The following SYT9 variants were observed in gnomAD, a reference collection of about 807,000 sequenced individuals.
The protein encoded by SYT9 is synaptotagmin-9.
Under a neutral mutation model 48.4 loss-of-function variants are expected in SYT9, and 22 were observed. The observed-to-expected ratio is 0.45, with a 90% CI of 0.32 to 0.65. The LOEUF (loss-of-function observed/expected upper bound fraction) is 0.65, where lower values mean the gene tolerates loss of function less well. SYT9 is among the 30% of genes least tolerant of loss of function. The pLI, the probability that SYT9 is intolerant of heterozygous loss-of-function variation, is 0.03. For missense variants in SYT9, 577 were observed against 622.0 expected (o/e 0.93, Z 0.77); for synonymous variants, 265 against 245.0 (o/e 1.08, Z -0.76).
intron 3 of SYT9, among the ~76,000 whole-genome samples, chr11:7,407,135 C>T (rs1259729100): frequency 1.3e-5 from 2 of 152,092 alleles, no homozygotes; most frequent in Non-Finnish European, 2.9e-5. Context: ...CAAGTATTTT[C>T]TCATTCAACA....
intron 1 of SYT9, among the ~76,000 whole-genome samples, chr11:7,287,806 C>T (rs1038422639): frequency 6.6e-6 from 1 of 152,170 alleles, no homozygotes; most frequent in Admixed American, 6.5e-5. Context: ...GATAATGGCT[C>T]TCTTCTAGCT....
At chr11:7,395,019 T>A (rs12418873) in intron 3 of SYT9, among the ~76,000 whole-genome samples, 43,829 of 151,794 alleles carry the variant, frequency 0.29, 7,306 homozygotes, top group East Asian at 0.59. Flanking sequence ...ATTTTTTTTT[T>A]AATTTTTATT....
intron 6 of SYT9, chr11:7,465,808 T>G (rs1469335193): frequency 5.4e-6 from 1 of 186,534 alleles, no homozygotes; most frequent in Non-Finnish European, 1.1e-5. Flanking sequence ...AAGGCACTTC[T>G]TACATGGCAG....
At chr11:7,319,942 G>T (rs2133962762) in intron 3 of SYT9, among the ~76,000 whole-genome samples, 1 of 152,262 alleles carries the variant, frequency 6.6e-6, no homozygotes, top group Admixed American at 6.5e-5. Context: ...ACATTAAGAA[G>T]AATTTTTTAA....
In SYT9 at chr11:7,288,731, C is replaced by G. The variant is rs956970921; in HGVS notation, c.146-14308C>G. ...TGTCTCCTGATGCTGCTCCTGTTTT[C>G]TTTGCCTTGTTGTCTGCTAACCTCT... On this transcript the variant is annotated intron_variant, in intron 1 of 6. Coordinates refer to ENST00000318881, the MANE Select transcript of SYT9 (RefSeq NM_175733.4). Among the ~76,000 whole-genome samples, 3 of 152,020 alleles carry G rather than the reference C, an allele frequency of 2.0e-5. No individual in the cohort carries two copies. In the South Asian group the frequency reaches 6.2e-4, roughly 31 times the overall value.
upstream of SYT9, among the ~76,000 whole-genome samples, chr11:7,250,676 C>G (rs1847852551): frequency 4.6e-5 from 7 of 152,136 alleles, no homozygotes; most frequent in Admixed American, 4.6e-4. Flanking sequence ...TGTAAGTTCC[C>G]TGAAACCCTA....
At chr11:7,387,131 C>T (rs1002071152) in intron 3 of SYT9, among the ~76,000 whole-genome samples, 8 of 152,054 alleles carry the variant, frequency 5.3e-5, no homozygotes, top group African/African-American at 1.9e-4. Context: ...GGGAACATCA[C>T]ACACCAGGGC....
chr11:7,468,354 TG>T lies in SYT9; in HGVS notation c.*1555del. 2 of 398,618 alleles carry T rather than the reference TG, an allele frequency of 5.0e-6. No individual in the cohort carries two copies. Among genetic ancestry groups the T allele is most frequent in the Non-Finnish European group, 8.8e-6 (2 of 226,046 alleles). The allele number at this position is 398,618 out of a possible 1,614,324, so 24.7% of individuals were successfully genotyped here. On this transcript the variant is annotated 3_prime_UTR_variant, in exon 7 of 7. Coordinates refer to ENST00000318881, the MANE Select transcript of SYT9 (RefSeq NM_175733.4). Reference sequence around the variant, plus strand: ...CAGATCTAAGAAGGCTATAGGCCTTTGTTTGTAGGAAGCAGTGTCATTACAT... The same window carrying T: ...CAGATCTAAGAAGGCTATAGGCCTTTTTTGTAGGAAGCAGTGTCATTACAT...
At chr11:7,374,537 CA>C (rs1166832151) in intron 3 of SYT9, among the ~76,000 whole-genome samples, 1 of 152,232 alleles carries the variant, frequency 6.6e-6, no homozygotes, top group African/African-American at 2.4e-5. Flanking sequence ...TTCCCACCAA[CA>C]GAGTAAAAGC....
At chr11:7,403,367 T>C (rs1355295410) in intron 3 of SYT9, among the ~76,000 whole-genome samples, 3 of 152,102 alleles carry the variant, frequency 2.0e-5, no homozygotes, top group African/African-American at 7.2e-5. Flanking sequence ...CTGGCCAATA[T>C]AGCAAGACTC....
chr11:7,419,853 GC>G (rs1205781392), intron 5 of SYT9, among the ~76,000 whole-genome samples: 1 of 152,140 alleles, frequency 6.6e-6, no homozygotes, highest in Non-Finnish European at 1.5e-5. Context: ...CCGAGATCAT[GC>G]CACTGCACTC....
At chr11:7,307,479 T>G (rs1849053163) in intron 2 of SYT9, among the ~76,000 whole-genome samples, 1 of 152,222 alleles carries the variant, frequency 6.6e-6, no homozygotes, top group African/African-American at 2.4e-5. Flanking sequence ...GATTAAATTA[T>G]CAGAAACTAT....
chr11:7,346,587 G>C (rs1200060753), intron 3 of SYT9, among the ~76,000 whole-genome samples: 1 of 152,184 alleles, frequency 6.6e-6, no homozygotes, highest in African/African-American at 2.4e-5. Flanking sequence ...AAGAGCCTCT[G>C]CCTTCAGGGA....
chr11:7,247,780 A>G (rs1225926617), upstream of SYT9, among the ~76,000 whole-genome samples: 3 of 151,624 alleles, frequency 2.0e-5, no homozygotes, highest in Non-Finnish European at 4.4e-5. Flanking sequence ...TTGTGCTGCT[A>G]TATACATACA....
At chr11:7,315,399 A>G (rs752328659) in intron 3 of SYT9, among the ~76,000 whole-genome samples, 2 of 152,160 alleles carry the variant, frequency 1.3e-5, no homozygotes, top group African/African-American at 4.8e-5. Context: ...ATCACCCCCC[A>G]CTGGGGTATT....
At chr11:7,424,037 G>T (rs553487557) in intron 6 of SYT9, among the ~76,000 whole-genome samples, 2 of 152,314 alleles carry the variant, frequency 1.3e-5, no homozygotes, top group African/African-American at 4.8e-5. Flanking sequence ...CTGGGATTTA[G>T]CATGGAGGGA....
chr11:7,276,422 G>C (rs1398577670), intron 1 of SYT9, among the ~76,000 whole-genome samples: 2 of 152,118 alleles, frequency 1.3e-5, no homozygotes, highest in African/African-American at 4.8e-5. Flanking sequence ...TGACCCTGCT[G>C]TTTTCCTATG....
chr11:7,454,899 C>T (rs941678586), intron 6 of SYT9, among the ~76,000 whole-genome samples: 4 of 152,204 alleles, frequency 2.6e-5, no homozygotes, highest in Admixed American at 6.5e-5. Context: ...CTAAGTCACA[C>T]AAAGGCCCAA....
At chr11:7,367,186 A>G (rs1189503408) in intron 3 of SYT9, among the ~76,000 whole-genome samples, 1 of 132,344 alleles carries the variant, frequency 7.6e-6, no homozygotes, top group Non-Finnish European at 1.5e-5. Flanking sequence ...GGTTCACGCC[A>G]TTCTCCTGCC....
Sources: allele counts gnomAD v4.1 joint callset (sites outside exome capture counted in the v4.1 genomes callset), GRCh38; gene constraint gnomAD v4.1.1; transcripts MANE v1.5; gene names NCBI Gene and HGNC (gene_info 2026-07-23, HGNC 2026-07-21).